THSD7A: variants seen among roughly 807,000 people sequenced by gnomAD.
The protein encoded by THSD7A is thrombospondin type-1 domain-containing protein 7A.
Under a neutral mutation model 231.3 loss-of-function variants are expected in THSD7A, and 96 were observed. That is an observed-to-expected ratio of 0.41 (90% CI 0.35 to 0.49). The LOEUF is 0.49. Among genes scored for constraint, THSD7A ranks in the 20% least tolerant of loss-of-function variants. THSD7A has a pLI of 0.05. For synonymous variants in THSD7A, 940 were observed against 743.3 expected (o/e 1.26, Z -4.30); for missense variants, 2,290 against 2,070.2 (o/e 1.11, Z -2.06).
chr7:11,602,873 T>C (rs945899870), intron 2 of THSD7A, among the ~76,000 whole-genome samples: 2 of 150,964 alleles, frequency 1.3e-5, no homozygotes, highest in African/African-American at 4.9e-5. Context: ...GTTTTAGGTC[T>C]AACGTTGATG....
rs144101292 is a variant in THSD7A at position 11,458,856 on chromosome 7, C to A, written c.2605+1806G>T. 4.8e-3 allele frequency among the ~76,000 whole-genome samples: 731 copies of A among 152,220 alleles called. 4 individuals carry two copies. The highest frequency in any genetic ancestry group is 0.017 in the African/African-American group (705 of 41,542). On this transcript the variant is annotated intron_variant, in intron 11 of 27. Transcript: ENST00000423059. ...TGTCAAAACCCAAAAGGCCCATATG[C>A]ATACATTCACTTGGGTTATGAACAA...
At chr7:11,767,971 G>A (rs1271286761) in intron 1 of THSD7A, among the ~76,000 whole-genome samples, 1 of 152,080 alleles carries the variant, frequency 6.6e-6, no homozygotes, top group East Asian at 1.9e-4. Flanking sequence ...GAGCTGAAAA[G>A]GGATCAAAAT....
At chr7:11,733,853 A>T (rs1266628531) in intron 1 of THSD7A, among the ~76,000 whole-genome samples, 1 of 151,888 alleles carries the variant, frequency 6.6e-6, no homozygotes, top group Non-Finnish European at 1.5e-5. Context: ...TATTTAGAAA[A>T]AATTTATACA....
intron 1 of THSD7A, among the ~76,000 whole-genome samples, chr7:11,720,320 C>G (rs1781306372): frequency 6.6e-6 from 1 of 151,722 alleles, no homozygotes; most frequent in South Asian, 2.1e-4. Context: ...GGGAATCTCT[C>G]AACTTTTCAT....
At chr7:11,641,658 T>A (rs1470254900) in intron 1 of THSD7A, among the ~76,000 whole-genome samples, 1 of 151,338 alleles carries the variant, frequency 6.6e-6, no homozygotes, top group Non-Finnish European at 1.5e-5. Context: ...TGGAGATATA[T>A]AAAAAGATCT....
chr7:11,454,549 G>A (rs191713257), intron 11 of THSD7A, among the ~76,000 whole-genome samples: 5 of 149,026 alleles, frequency 3.4e-5, no homozygotes, highest in Admixed American at 2.0e-4. Context: ...TCACTATGCC[G>A]TATCAGTGGT....
intron 1 of THSD7A, among the ~76,000 whole-genome samples, chr7:11,686,570 C>T (rs1459714314): frequency 6.6e-6 from 1 of 151,746 alleles, no homozygotes; most frequent in Non-Finnish European, 1.5e-5. Context: ...GTAGTAAAGA[C>T]ATGAAATCAA....
chr7:11,389,277 C>T (rs1411662093), intron 23 of THSD7A, among the ~76,000 whole-genome samples: 1 of 151,948 alleles, frequency 6.6e-6, no homozygotes, highest in East Asian at 1.9e-4. Context: ...TCCGGGCGCT[C>T]CTGCATTGGG....
At chr7:11,403,519 T>G (rs1783482139) in intron 22 of THSD7A, among the ~76,000 whole-genome samples, 2 of 152,286 alleles carry the variant, frequency 1.3e-5, no homozygotes, top group South Asian at 4.1e-4. Flanking sequence ...AGTTACTCAG[T>G]TTTTAATTAT....
chr7:11,694,162 A>G (rs1040518946), intron 1 of THSD7A, among the ~76,000 whole-genome samples: 10 of 151,484 alleles, frequency 6.6e-5, no homozygotes, highest in South Asian at 2.1e-4. Context: ...TCTCTTGGCT[A>G]TCTTCTAAGC....
At position 11,474,557 on chromosome 7, in the gene THSD7A, A is replaced by G; in HGVS notation, c.2029T>C (p.Cys677Arg). Residue 677 changes from cysteine to arginine, a missense_variant, in exon 8 of 28, where the codon TGT becomes CGT. Transcript: ENST00000423059. The surrounding 1 kb of genome is among the most constrained non-coding windows in gnomAD (Gnocchi z 4.1). ...TCTTGCAAAGCACTGCTATTTGGAC[A>G]GCGAATTCCACCTAAAAACATGGAC... Reference protein sequence around the residue: ...AYAGEEGGIRCPNSSALQEVR... With the variant: ...AYAGEEGGIRRPNSSALQEVR... The G allele has an allele frequency of 6.3e-7, 1 of 1,589,122 alleles. No individual in the cohort carries two copies. The highest frequency in any genetic ancestry group is 1.1e-5 in the South Asian group (1 of 89,118).
chr7:11,602,877 G>T (rs916098665), intron 2 of THSD7A, among the ~76,000 whole-genome samples: 1 of 150,668 alleles, frequency 6.6e-6, no homozygotes, highest in Non-Finnish European at 1.5e-5. Context: ...TAGGTCTAAC[G>T]TTGATGGATT....
intron 1 of THSD7A, among the ~76,000 whole-genome samples, chr7:11,807,115 T>C (rs1036273189): frequency 3.9e-4 from 60 of 152,162 alleles, no homozygotes; most frequent in Non-Finnish European, 2.4e-4. Context: ...TACTCTGAAG[T>C]GTTTTAAACA....
At chr7:11,571,499 C>T (rs1323478095) in intron 4 of THSD7A, among the ~76,000 whole-genome samples, 1 of 152,122 alleles carries the variant, frequency 6.6e-6, no homozygotes, top group Non-Finnish European at 1.5e-5. Flanking sequence ...AGTATATGGA[C>T]TATTTTAAAT....
chr7:11,579,590 T>C (rs1350648402), intron 4 of THSD7A, among the ~76,000 whole-genome samples: 1 of 152,216 alleles, frequency 6.6e-6, no homozygotes, highest in African/African-American at 2.4e-5. Context: ...CTATGTCTTC[T>C]TTCCATCTCA....
At chr7:11,423,383 T>G (rs889863707) in intron 16 of THSD7A, among the ~76,000 whole-genome samples, 8 of 151,144 alleles carry the variant, frequency 5.3e-5, no homozygotes, top group Non-Finnish European at 1.2e-4. Flanking sequence ...TTTTTTTTTT[T>G]TTTGAGATGG....
intron 1 of THSD7A, among the ~76,000 whole-genome samples, chr7:11,827,014 A>C (rs931999957): frequency 3.3e-5 from 5 of 151,930 alleles, no homozygotes; most frequent in Non-Finnish European, 5.9e-5. Context: ...TTATTTAATT[A>C]ATTTTTAGAG....
intron 1 of THSD7A, among the ~76,000 whole-genome samples, chr7:11,681,370 A>G (rs765231747): frequency 3.3e-5 from 5 of 152,106 alleles, no homozygotes; most frequent in Non-Finnish European, 7.4e-5. Flanking sequence ...TATGTATCCC[A>G]GAACTTAAAG....
intron 6 of THSD7A, among the ~76,000 whole-genome samples, chr7:11,483,257 G>C (rs1786503903): frequency 6.6e-6 from 1 of 152,110 alleles, no homozygotes; most frequent in Admixed American, 6.6e-5. Flanking sequence ...GAAAATCAGA[G>C]TAAATTGCAA....
Sources: gnomAD v4.1 joint callset for allele counts (sites outside exome capture counted in the v4.1 genomes callset) on GRCh38, gnomAD v4.1.1 for gene constraint, Gnocchi (gnomAD v3.1) non-coding constraint, MANE v1.5 for transcripts, NCBI Gene and HGNC (gene_info 2026-07-23, HGNC 2026-07-21) for gene names.